GYS2: variants seen among roughly 807,000 people sequenced by gnomAD.
The protein encoded by GYS2 is glycogen [starch] synthase, liver.
In GYS2, 80 loss-of-function variants were observed where a neutral mutation model predicts 85.6. The ratio of observed to expected loss-of-function variants is 0.93; its 90% CI spans 0.78 to 1.13. The LOEUF (loss-of-function observed/expected upper bound fraction) is 1.13. Among genes scored for constraint, GYS2 ranks in the 50% most tolerant of loss-of-function variants. The probability of loss-of-function intolerance (pLI) is 0.00; values close to 1 mark genes in which losing one functional copy is unlikely to be tolerated. For missense variants in GYS2, 881 were observed against 854.9 expected, an observed-to-expected ratio of 1.03 and a Z score of -0.38; for synonymous variants, 328 against 300.7, an observed-to-expected ratio of 1.09 and a Z score of -0.94.
chr12:21,588,641 A>G (rs1944600081), intron 1 of GYS2, among the ~76,000 whole-genome samples: 1 of 152,254 alleles, frequency 6.6e-6, no homozygotes, highest in Admixed American at 6.5e-5. Context: ...GGACACTGTC[A>G]AATCACAGTT....
At chr12:21,581,819 T>C (rs534625907) in intron 1 of GYS2, among the ~76,000 whole-genome samples, 4 of 152,128 alleles carry the variant, frequency 2.6e-5, no homozygotes, top group Non-Finnish European at 5.9e-5. Context: ...ACTGAACTAG[T>C]CAACTTACTT....
At chr12:21,588,040 A>G (rs1944593437) in intron 1 of GYS2, among the ~76,000 whole-genome samples, 1 of 152,356 alleles carries the variant, frequency 6.6e-6, no homozygotes, top group African/African-American at 2.4e-5. Context: ...GAATACACAA[A>G]TAATCTGTCG....
intron 1 of GYS2, among the ~76,000 whole-genome samples, chr12:21,585,685 C>G (rs1409925323): frequency 1.3e-5 from 2 of 151,970 alleles, no homozygotes; most frequent in African/African-American, 4.8e-5. Flanking sequence ...ATTGCAGATA[C>G]AAGGACTGTA....
intron 3 of GYS2, among the ~76,000 whole-genome samples, chr12:21,575,093 G>T (rs1037852314): frequency 1.3e-5 from 2 of 152,184 alleles, no homozygotes; most frequent in Non-Finnish European, 2.9e-5. Flanking sequence ...AATAATAAAT[G>T]ATTCCATGTT....
chr12:21,551,108 C>G (rs1490863365), intron 11 of GYS2, among the ~76,000 whole-genome samples: 2 of 151,332 alleles, frequency 1.3e-5, no homozygotes, highest in Non-Finnish European at 2.9e-5. Flanking sequence ...GTGCTGCACC[C>G]ACTAACTCGT....
Position 21,568,869 on chromosome 12 carries a change from C to G in GYS2, c.819G>C (p.Lys273Asn), listed in dbSNP as rs989755227. Residue 273 changes from lysine (K) to asparagine (N), a missense_variant, in exon 5 of 16, where the codon AAG becomes AAC. Lys to Asn is a moderately conservative substitution (Grantham distance 94, BLOSUM62 0). Coordinates refer to ENST00000261195, the MANE Select transcript of GYS2 (RefSeq NM_021957.4). ...TGATCCAGGGATAATAATTACCAGG[C>G]TTTCTCTTCAGCATATGTTCAGCTT... is the stretch of plus-strand genomic sequence containing the variant. ...AIEAEHMLKR[K>N]PDVVTPNGLN... The G allele has an allele frequency of 5.0e-6, 8 of 1,612,542 alleles. No individual in the cohort carries two copies. In the Admixed American group the frequency reaches 1.2e-4, roughly 24 times the overall value.
At chr12:21,582,385 A>G (rs572509367) in intron 1 of GYS2, among the ~76,000 whole-genome samples, 1 of 152,084 alleles carries the variant, frequency 6.6e-6, no homozygotes, top group Non-Finnish European at 1.5e-5. Flanking sequence ...AAAAGGCTAG[A>G]TTGGCTTGGC....
intron 3 of GYS2, among the ~76,000 whole-genome samples, chr12:21,575,297 G>A (rs766082829): frequency 4.6e-5 from 7 of 152,062 alleles, no homozygotes; most frequent in South Asian, 2.1e-4. Flanking sequence ...GTGGGCATCC[G>A]TATCTTTGCC....
At chr12:21,547,102 T>C (rs1215005354) in intron 11 of GYS2, among the ~76,000 whole-genome samples, 3 of 152,180 alleles carry the variant, frequency 2.0e-5, no homozygotes, top group Non-Finnish European at 4.4e-5. Flanking sequence ...AAAATGTCAG[T>C]CATTCCCTTG....
intron 11 of GYS2, among the ~76,000 whole-genome samples, chr12:21,556,905 A>G (rs1017152037): frequency 3.9e-5 from 6 of 152,188 alleles, no homozygotes; most frequent in African/African-American, 1.4e-4. Flanking sequence ...ACATGGAGAA[A>G]TTTAAGGAAT....
At chr12:21,584,012 G>A (rs1394440565) in intron 1 of GYS2, among the ~76,000 whole-genome samples, 2 of 152,198 alleles carry the variant, frequency 1.3e-5, no homozygotes, top group African/African-American at 4.8e-5. Flanking sequence ...CAGAGGAAGA[G>A]AAGACTAGGT....
chr12:21,534,279 GGTGGGCA>G (rs1943891009), downstream of GYS2, among the ~76,000 whole-genome samples: 1 of 152,154 alleles, frequency 6.6e-6, no homozygotes, highest in African/African-American at 2.4e-5. Flanking sequence ...GGGAGGCCAA[GGTGGGCA>G]CATCACTTGA....
intron 1 of GYS2, among the ~76,000 whole-genome samples, chr12:21,598,476 C>CT (rs1472312516): frequency 6.6e-6 from 1 of 151,900 alleles, no homozygotes; most frequent in Non-Finnish European, 1.5e-5. Flanking sequence ...CATTTTAGCC[C>CT]TTTTTTGTCC....
rs755209494 is a variant in GYS2, at chr12:21,575,931, A to G, written c.430T>C (p.Tyr144His). 14 of 1,613,844 alleles carry G rather than the reference A, an allele frequency of 8.7e-6. No individual in the cohort carries two copies. The South Asian group carries it at 1.3e-4, about 15-fold the overall frequency. The change falls in exon 3 of 16, where the codon TAT becomes CAT. Residue 144 changes from tyrosine (Y) to histidine (H), a missense_variant. Tyr to His is a moderately conservative substitution (Grantham distance 83). Coordinates refer to ENST00000261195, the MANE Select transcript of GYS2 (RefSeq NM_021957.4). ...LWEACSVGIP[Y>H]HDREANDMLI... ...ATATCATTGGCTTCTCGGTCATGAT[A>G]AGGAATGCCGACACTGCATGCTTCC...
At chr12:21,579,295 C>T (rs1329760465) in intron 2 of GYS2, among the ~76,000 whole-genome samples, 1 of 151,506 alleles carries the variant, frequency 6.6e-6, no homozygotes, top group Non-Finnish European at 1.5e-5. Flanking sequence ...AGTGTGTTGA[C>T]AGAGCCACAT....
chr12:21,576,425 G>T (rs866303882), intron 2 of GYS2, among the ~76,000 whole-genome samples: 1 of 152,126 alleles, frequency 6.6e-6, no homozygotes, highest in South Asian at 2.1e-4. Flanking sequence ...CTGAAAACCT[G>T]GGTAGTTGGA....
In GYS2 at chr12:21,563,010, A is replaced by C. The variant is rs777920314; in HGVS notation, c.970T>G (p.Leu324Val). ...GHLDFDLEKTLFLFIAGRYEF... is the reference protein window; with the variant it reads ...GHLDFDLEKTVFLFIAGRYEF... Reference sequence around the variant, plus strand: ...TACCTCCCAGCAATGAAAAGGAACAAAGTCTTTTCAAGATCAAAGTCGAGA... The same window carrying C: ...TACCTCCCAGCAATGAAAAGGAACACAGTCTTTTCAAGATCAAAGTCGAGA... The change falls in exon 7 of 16, where the codon TTG becomes GTG. Residue 324 changes from leucine to valine, a missense_variant. Physicochemically the swap from Leu to Val is conservative, Grantham distance 32. Coordinates refer to ENST00000261195, the MANE Select transcript of GYS2 (RefSeq NM_021957.4). The C allele has an allele frequency of 8.7e-6, 14 of 1,612,480 alleles. No individual in the cohort carries two copies. In the South Asian group the frequency reaches 1.1e-4, roughly 13 times the overall value.
chr12:21,559,154 G>C lies in GYS2; in HGVS notation c.1245C>G (p.Asp415Glu), dbSNP rs16924002. ...YDALLRGEIP[D>E]LNDILDRDDL... ...CATCTCGATCTAAAATATCGTTCAG[G>C]TCAGGAATTTCTCCTCTGCAGGGAA... The change falls in exon 10 of 16, where the codon GAC becomes GAG. Residue 415 changes from aspartate to glutamate, a missense_variant. Asp to Glu is a conservative substitution (Grantham distance 45). Coordinates refer to ENST00000261195, the MANE Select transcript of GYS2 (RefSeq NM_021957.4). 6,504 of 1,605,490 alleles carry C rather than the reference G, an allele frequency of 4.1e-3. 261 individuals are homozygous for C. The African/African-American group carries it at 0.078, about 19-fold the overall frequency.
intron 2 of GYS2, among the ~76,000 whole-genome samples, chr12:21,576,295 T>C (rs939535613): frequency 1.1e-4 from 16 of 152,208 alleles, no homozygotes; most frequent in Admixed American, 1.3e-4. Context: ...AAAAACAATG[T>C]ATCTAAATCA....
Sources: allele counts gnomAD v4.1 joint callset (sites outside exome capture counted in the v4.1 genomes callset), GRCh38; gene constraint gnomAD v4.1.1; transcripts MANE v1.5; gene names NCBI Gene and HGNC (gene_info 2026-07-23, HGNC 2026-07-21).